Variants in TRIT1 observed in about 807,000 individuals in gnomAD.
The protein encoded by TRIT1 is tRNA dimethylallyltransferase.
TRIT1 carries 43 observed loss-of-function variants against 51.2 expected under a neutral mutation model. The observed-to-expected ratio is 0.84, with a 90% CI of 0.66 to 1.08. The LOEUF is 1.08. Among genes scored for constraint, TRIT1 ranks in the 50% least tolerant of loss-of-function variants. The probability of loss-of-function intolerance (pLI) is 0.00; values close to 1 mark genes in which losing one functional copy is unlikely to be tolerated. For synonymous variants in TRIT1, 184 were observed against 203.9 expected (o/e 0.90, Z 0.83); for missense variants, 528 against 578.4 (o/e 0.91, Z 0.89).
At chr1:39,876,534 ATCTATCTATC>A (rs1557585230) in intron 1 of TRIT1, among the ~76,000 whole-genome samples, 16 of 145,700 alleles carry the variant, frequency 1.1e-4, no homozygotes, top group African/African-American at 3.7e-4. Flanking sequence ...ATGTGTATCT[ATCTATCTATC>A]TATCTATCTA....
chr1:39,869,314 G>A (rs61779849), intron 1 of TRIT1, among the ~76,000 whole-genome samples: 24,828 of 152,242 alleles, frequency 0.16, 2,278 homozygotes, highest in Non-Finnish European at 0.22. Context: ...CGTGTTGGCC[G>A]GGCTGGTCTC....
rs377293140 is a variant in TRIT1 at position 39,844,050 on chromosome 1, C to T, written c.1234+51G>A. The T allele has an allele frequency of 2.1e-5, 28 of 1,325,286 alleles. No homozygotes were observed. In the African/African-American group the frequency reaches 3.8e-4, roughly 18 times the overall value. 82.1% of individuals were successfully genotyped at this position (1,325,286 alleles called of 1,614,324 possible). A position where few individuals can be genotyped will look rare whatever the true frequency, so the allele number is the denominator to read the frequency against. On this transcript the variant is annotated intron_variant, in intron 10 of 10. Transcript: ENST00000316891. Reference sequence around the variant, plus strand: ...CCAAAGACTCTAAATTTCATGAAGTCAATGTGAACCCACCCTTATAGATTT... The same window carrying T: ...CCAAAGACTCTAAATTTCATGAAGTTAATGTGAACCCACCCTTATAGATTT...
At chr1:39,852,974 A>T in intron 3 of TRIT1, 98 bp from the exon 4 acceptor site, 12 of 1,349,602 alleles carry the variant, frequency 8.9e-6, no homozygotes, top group Non-Finnish European at 1.2e-5. Flanking sequence ...CAGAATAATC[A>T]GAAGATCTTG....
At chr1:39,859,140 G>A (rs1285913668) in intron 1 of TRIT1, among the ~76,000 whole-genome samples, 3 of 151,536 alleles carry the variant, frequency 2.0e-5, no homozygotes, top group Non-Finnish European at 4.4e-5. Context: ...TATAATCCTA[G>A]CTATACTCAG....
At chr1:39,879,044 C>T (rs1285627060) in intron 1 of TRIT1, among the ~76,000 whole-genome samples, 3 of 152,102 alleles carry the variant, frequency 2.0e-5, no homozygotes, top group East Asian at 1.9e-4. Flanking sequence ...CCGAGGCTGG[C>T]GGATCCCGAG....
rs555975602 is a variant in TRIT1, at chr1:39,840,456, T to C, written c.*1288A>G. ...CTTCCATGATCCCTTCCCTTCCTTC[T>C]AAACTGAAATTCTACACAGCTCTTA... On this transcript the variant is annotated 3_prime_UTR_variant, in exon 11 of 11. Coordinates refer to ENST00000316891, the MANE Select transcript of TRIT1 (RefSeq NM_017646.6). Among the ~76,000 whole-genome samples the C allele has an allele frequency of 5.3e-5, 8 of 152,338 alleles. 1 individual carries two copies. In the South Asian group the frequency reaches 1.7e-3, roughly 32 times the overall value.
At chr1:39,856,517 C>T (rs1277640520) in intron 2 of TRIT1, among the ~76,000 whole-genome samples, 1 of 151,076 alleles carries the variant, frequency 6.6e-6, no homozygotes, top group Non-Finnish European at 1.5e-5. Context: ...AATTCACGTA[C>T]CTCCATTTGA....
chr1:39,870,272 G>A (rs1643817649), intron 1 of TRIT1, among the ~76,000 whole-genome samples: 4 of 152,156 alleles, frequency 2.6e-5, no homozygotes, highest in South Asian at 2.1e-4. Flanking sequence ...GATTAAGGGC[G>A]GTGCAAGATG....
intron 10 of TRIT1, among the ~76,000 whole-genome samples, chr1:39,843,422 G>A (rs1557527198): frequency 6.6e-6 from 1 of 152,162 alleles, no homozygotes; most frequent in African/African-American, 2.4e-5. Flanking sequence ...AAAATCCAAT[G>A]ATGTGTGTGC....
intron 1 of TRIT1, among the ~76,000 whole-genome samples, chr1:39,859,922 T>C (rs767602894): frequency 3.1e-4 from 47 of 152,392 alleles, no homozygotes; most frequent in Non-Finnish European, 4.1e-4. Flanking sequence ...CAGCACCTTC[T>C]ATCAGAAACC....
Position 39,876,940 on chromosome 1 carries a change from CA to C in TRIT1, c.174+6377del, listed in dbSNP as rs1173227188. Reference sequence around the variant, plus strand: ...AAGACTCCATCTCAAAAAAAAAAAACAAAAAAAAAAGGACTGCCTTTGTCAG... The same window carrying C: ...AAGACTCCATCTCAAAAAAAAAAAACAAAAAAAAAGGACTGCCTTTGTCAG... On this transcript the variant is annotated intron_variant, in intron 1 of 10. Transcript: ENST00000316891. Among the ~76,000 whole-genome samples, 67 of 68,632 alleles carry C rather than the reference CA, an allele frequency of 9.8e-4. 2 individuals are homozygous for C. Among genetic ancestry groups the C allele is most frequent in the African/African-American group, 3.5e-4 (6 of 17,274 alleles). 45.0% of individuals were successfully genotyped at this position (68,632 alleles called of 152,430 possible).
In TRIT1 at chr1:39,839,593, G is replaced by A. The variant is rs1652489526; in HGVS notation, c.*2151C>T. Among the ~76,000 whole-genome samples the A allele has an allele frequency of 6.6e-6, 1 of 152,224 alleles. No individual in the cohort carries two copies. Among genetic ancestry groups the A allele is most frequent in the Admixed American group, 6.5e-5 (1 of 15,284 alleles). On this transcript the variant is annotated 3_prime_UTR_variant, in exon 11 of 11. Coordinates refer to ENST00000316891, the MANE Select transcript of TRIT1 (RefSeq NM_017646.6). The stretch of plus-strand genomic sequence containing the variant: ...AGAGCACCAGGCAGATTTCTAGTGA[G>A]TGTTCTGCCTTTCCCAGGCTCTTTG...
intron 1 of TRIT1, among the ~76,000 whole-genome samples, chr1:39,871,085 C>G (rs986408094): frequency 6.6e-6 from 1 of 151,902 alleles, no homozygotes; most frequent in South Asian, 2.1e-4. Context: ...CTCAGCTATT[C>G]GGGAGGCTGA....
intron 1 of TRIT1, among the ~76,000 whole-genome samples, chr1:39,860,047 T>C (rs1484363884): frequency 3.3e-5 from 5 of 152,146 alleles, no homozygotes; most frequent in African/African-American, 4.8e-5. Context: ...AAACAGAAGG[T>C]AACCCAGAGC....
At chr1:39,876,548 CTATCTATCTATA>C (rs1168480899) in intron 1 of TRIT1, among the ~76,000 whole-genome samples, 2 of 148,464 alleles carry the variant, frequency 1.3e-5, no homozygotes, top group Non-Finnish European at 3.0e-5. Flanking sequence ...ATCTATCTAT[CTATCTATCTATA>C]TATATATATG....
Position 39,844,617 on chromosome 1 carries a change from C to A in TRIT1, c.1030G>T (p.Val344Phe), listed in dbSNP as rs1438381959. Residue 344 changes from valine to phenylalanine, a missense_variant, in exon 9 of 11, where the codon GTC becomes TTC. Val to Phe is a conservative substitution (Grantham distance 50). Around this residue, in one of 3 missense-constraint regions of TRIT1, gnomAD observed 468 missense variants for 522.6 expected, o/e 0.90. Transcript: ENST00000316891. ...LSRPGPIVPPVYGLEVSDVSK... is the reference protein window; with the variant it reads ...LSRPGPIVPPFYGLEVSDVSK... Reference sequence around the variant, plus strand: ...ACATCAGATACCTCTAAGCCATAGACAGGGGGGACAATGGGACCAGGTCCT... The same window carrying A: ...ACATCAGATACCTCTAAGCCATAGAAAGGGGGGACAATGGGACCAGGTCCT... The A allele has an allele frequency of 6.2e-7, 1 of 1,613,634 alleles. No individual in the cohort carries two copies. The highest frequency in any genetic ancestry group is 1.3e-5 in the African/African-American group (1 of 74,912).
chr1:39,879,485 A>AATATAT (rs34841905), intron 1 of TRIT1, among the ~76,000 whole-genome samples: 2 of 148,534 alleles, frequency 1.3e-5, no homozygotes, highest in Admixed American at 6.7e-5. Context: ...GAGGATTTTA[A>AATATAT]ATATATATAT....
At chr1:39,879,471 T>C (rs1644173467) in intron 1 of TRIT1, among the ~76,000 whole-genome samples, 1 of 150,712 alleles carries the variant, frequency 6.6e-6, no homozygotes, top group African/African-American at 2.5e-5. Context: ...TATGAGACTA[T>C]TGTGAGGATT....
chr1:39,851,378 TA>T (rs1240281121), intron 4 of TRIT1, among the ~76,000 whole-genome samples: 1 of 152,106 alleles, frequency 6.6e-6, no homozygotes, highest in Non-Finnish European at 1.5e-5. Context: ...AACTGATTAG[TA>T]AAAGGAGAGA....
Sources: allele counts gnomAD v4.1 joint callset (sites outside exome capture counted in the v4.1 genomes callset), GRCh38; gene constraint gnomAD v4.1.1; regional missense constraint gnomAD v4.1.1; transcripts MANE v1.5; gene names NCBI Gene and HGNC (gene_info 2026-07-23, HGNC 2026-07-21).